DIS3L2: variants seen among roughly 807,000 people sequenced by gnomAD.
DIS3L2 encodes DIS3-like exonuclease 2.
In DIS3L2, 34 loss-of-function variants were observed where a neutral mutation model predicts 97.5. The observed-to-expected ratio is 0.35, with a 90% CI of 0.27 to 0.46. DIS3L2 has a LOEUF of 0.46. Ranked by LOEUF, DIS3L2 falls within the 20% of genes least tolerant of loss-of-function variation. The pLI, the probability that DIS3L2 is intolerant of heterozygous loss-of-function variation, is 1.00. For missense variants in DIS3L2, 1,038 were observed against 1,146.0 expected, an observed-to-expected ratio of 0.91 and a Z score of 1.36; for synonymous variants, 435 against 445.2, an observed-to-expected ratio of 0.98 and a Z score of 0.29.
In DIS3L2 at chr2:231,963,035, G is replaced by A. The variant is rs143798704; in HGVS notation, c.-94+1270G>A. The stretch of plus-strand genomic sequence containing the variant: ...GTTTGCTATTGTGAATAGCTCAGCC[G>A]TGAACATACAACTGCATATGTCTTT... On this transcript the variant is annotated intron_variant, in intron 1 of 20. Coordinates refer to ENST00000325385, the MANE Select transcript of DIS3L2 (RefSeq NM_152383.5). Among the ~76,000 whole-genome samples the A allele has an allele frequency of 7.9e-5, 12 of 152,084 alleles. No homozygotes were observed. In the East Asian group the frequency reaches 1.5e-3, roughly 20 times the overall value.
At chr2:232,296,088 A>G (rs535764687) in intron 13 of DIS3L2, among the ~76,000 whole-genome samples, 13 of 152,318 alleles carry the variant, frequency 8.5e-5, no homozygotes, top group South Asian at 4.1e-4. Context: ...CCTCCCAGGT[A>G]TGTTAGAATC....
At chr2:232,148,255 G>C (rs1690279549) in intron 8 of DIS3L2, among the ~76,000 whole-genome samples, 1 of 151,912 alleles carries the variant, frequency 6.6e-6, no homozygotes, top group Non-Finnish European at 1.5e-5. Context: ...CACCATGTTG[G>C]CCAGGATAGT....
chr2:232,247,618 G>GTT (rs1559173575), intron 11 of DIS3L2, among the ~76,000 whole-genome samples: 1 of 31,702 alleles, frequency 3.2e-5, no homozygotes, highest in Non-Finnish European at 7.4e-5. Flanking sequence ...AACTGCCGCG[G>GTT]GGGGGGGGGG....
intron 13 of DIS3L2, among the ~76,000 whole-genome samples, chr2:232,297,191 A>G (rs1354540882): frequency 6.6e-6 from 1 of 152,030 alleles, no homozygotes; most frequent in East Asian, 1.9e-4. Flanking sequence ...GCCCTCTCTC[A>G]CTTCAGCCCT....
At chr2:232,316,865 C>T (rs922377927) in intron 14 of DIS3L2, among the ~76,000 whole-genome samples, 3 of 151,976 alleles carry the variant, frequency 2.0e-5, no homozygotes, top group East Asian at 1.9e-4. Flanking sequence ...GTTAGCTGGT[C>T]GCTATCTTTT....
chr2:232,157,576 A>G (rs1007912511), intron 8 of DIS3L2, among the ~76,000 whole-genome samples: 3 of 152,232 alleles, frequency 2.0e-5, no homozygotes, highest in African/African-American at 4.8e-5. Context: ...TTACATAAGC[A>G]ATATAGGTAG....
chr2:232,250,815 C>T (rs934247259), intron 12 of DIS3L2, among the ~76,000 whole-genome samples: 1 of 152,012 alleles, frequency 6.6e-6, no homozygotes, highest in African/African-American at 2.4e-5. Context: ...GAATTCTGGT[C>T]GCCAGGCCTA....
At chr2:232,039,022 G>T (rs1359265214) in intron 5 of DIS3L2, among the ~76,000 whole-genome samples, 1 of 152,236 alleles carries the variant, frequency 6.6e-6, no homozygotes, top group African/African-American at 2.4e-5. Flanking sequence ...GATTTGAAAT[G>T]TAGAGGGTAG....
At chr2:232,115,634 GT>G (rs1697683436) in intron 6 of DIS3L2, among the ~76,000 whole-genome samples, 4 of 152,142 alleles carry the variant, frequency 2.6e-5, no homozygotes, top group Non-Finnish European at 5.9e-5. Context: ...CATGGGGGCG[GT>G]TTCCCCCATT....
chr2:232,197,814 A>G (rs1691794366), intron 9 of DIS3L2, among the ~76,000 whole-genome samples: 1 of 151,844 alleles, frequency 6.6e-6, no homozygotes, highest in African/African-American at 2.4e-5. Flanking sequence ...AAAAATATAA[A>G]AATTAGCTAG....
chr2:232,259,220 G>A (rs1693651501), intron 12 of DIS3L2, among the ~76,000 whole-genome samples: 1 of 152,070 alleles, frequency 6.6e-6, no homozygotes, highest in Non-Finnish European at 1.5e-5. Flanking sequence ...CTCCAATTTG[G>A]TGGTGTTCCT....
chr2:232,197,643 A>G (rs1691790212), intron 9 of DIS3L2, among the ~76,000 whole-genome samples: 1 of 152,144 alleles, frequency 6.6e-6, no homozygotes, highest in African/African-American at 2.4e-5. Flanking sequence ...TTTTGCCAAA[A>G]TACATCCAGA....
chr2:232,202,387 A>G (rs1490733026), intron 9 of DIS3L2, among the ~76,000 whole-genome samples: 1 of 152,040 alleles, frequency 6.6e-6, no homozygotes, highest in Admixed American at 6.6e-5. Flanking sequence ...ACAGAGCAAG[A>G]CTCCATCTCA....
chr2:231,993,974 C>T (rs1229893068), intron 1 of DIS3L2, among the ~76,000 whole-genome samples: 1 of 151,618 alleles, frequency 6.6e-6, no homozygotes, highest in Non-Finnish European at 1.5e-5. Context: ...ATGCTTTTCT[C>T]TTATGTTCTC....
chr2:232,170,340 A>T (rs1404249395), intron 9 of DIS3L2, among the ~76,000 whole-genome samples: 2 of 152,138 alleles, frequency 1.3e-5, no homozygotes, highest in Non-Finnish European at 2.9e-5. Context: ...TAAATATTGG[A>T]GGGGGAAAAT....
chr2:232,244,114 T>G (rs949287256), intron 11 of DIS3L2, among the ~76,000 whole-genome samples: 2 of 152,218 alleles, frequency 1.3e-5, no homozygotes, highest in African/African-American at 4.8e-5. Flanking sequence ...GAATTGTCAC[T>G]GGTTTTTATC....
chr2:232,123,585 A>G (rs897406317), intron 6 of DIS3L2, among the ~76,000 whole-genome samples: 2 of 152,036 alleles, frequency 1.3e-5, no homozygotes, highest in African/African-American at 4.8e-5. Context: ...AATCCTAGGG[A>G]CTTTCCGTTA....
chr2:232,321,700 G>T lies in DIS3L2; in HGVS notation c.1740-8113G>T, dbSNP rs188353736. 3.3e-3 allele frequency among the ~76,000 whole-genome samples: 498 copies of T among 152,350 alleles called. 1 individual carries two copies. Among genetic ancestry groups the T allele is most frequent in the Non-Finnish European group, 4.7e-3 (318 of 68,022 alleles). On this transcript the variant is annotated intron_variant, in intron 14 of 20. Coordinates refer to ENST00000325385, the MANE Select transcript of DIS3L2 (RefSeq NM_152383.5). ...GGCCTGAGCCTGAGGCAACCAGGAG[G>T]GGGCAGCCTTATCAGGGAGGCCGTG... is the stretch of plus-strand genomic sequence containing the variant.
At chr2:232,247,616 C>CGGTGGGGGG (rs1559173558) in intron 11 of DIS3L2, among the ~76,000 whole-genome samples, 1 of 6,526 alleles carries the variant, frequency 1.5e-4, no homozygotes, top group African/African-American at 3.1e-4. Context: ...ATAACTGCCG[C>CGGTGGGGGG]GGGGGGGGGG....
Sources: gnomAD v4.1 joint callset for allele counts (sites outside exome capture counted in the v4.1 genomes callset) on GRCh38, gnomAD v4.1.1 for gene constraint, MANE v1.5 for transcripts, NCBI Gene and HGNC (gene_info 2026-07-23, HGNC 2026-07-21) for gene names.